Variants in C1QTNF6 observed in about 807,000 individuals in gnomAD.
C1QTNF6 encodes C1q and TNF related 6, also known as complement C1q tumor necrosis factor-related protein 6.
Under a neutral mutation model 20.7 loss-of-function variants are expected in C1QTNF6, and 17 were observed. The observed-to-expected ratio is 0.82, with a 90% confidence interval of 0.56 to 1.23. The LOEUF (loss-of-function observed/expected upper bound fraction) is 1.23, where lower values mean the gene tolerates loss of function less well. Ranked by LOEUF, C1QTNF6 falls within the 50% of genes most tolerant of loss-of-function variation. The pLI, the probability that C1QTNF6 is intolerant of heterozygous loss-of-function variation, is 0.00. For missense variants in C1QTNF6, 329 were observed against 389.7 expected (o/e 0.84, Z 1.31); for synonymous variants, 130 against 156.3 (o/e 0.83, Z 1.25).
At position 37,181,993 on chromosome 22, in the gene C1QTNF6, G is replaced by A; in HGVS notation, c.*195C>T. 1.6e-6 allele frequency: 1 copy of A among 617,704 alleles called. No homozygotes were observed. Among genetic ancestry groups the A allele is most frequent in the South Asian group, 2.2e-5 (1 of 45,638 alleles). 38.3% of individuals were successfully genotyped at this position (617,704 alleles called of 1,614,324 possible). On this transcript the variant is annotated 3_prime_UTR_variant, in exon 3 of 3. Coordinates refer to ENST00000337843, the MANE Select transcript of C1QTNF6 (RefSeq NM_031910.4). Reference sequence around the variant, plus strand: ...TTAGGTTAGCAAGCTTCTTAAAATAGGTCCAAGAGAGAAGAGAGGAGCAGA... The same window carrying A: ...TTAGGTTAGCAAGCTTCTTAAAATAAGTCCAAGAGAGAAGAGAGGAGCAGA...
upstream of C1QTNF6, among the ~76,000 whole-genome samples, chr22:37,189,311 C>T (rs1220079284): frequency 6.6e-6 from 1 of 152,176 alleles, no homozygotes; most frequent in African/African-American, 2.4e-5. Flanking sequence ...TACTGTTTCT[C>T]AGCAGGGTCT....
At chr22:37,188,066 A>G in intron 1 of C1QTNF6, 97 bp downstream of exon 1, 1 of 1,305,184 alleles carries the variant, frequency 7.7e-7, no homozygotes, top group Non-Finnish European at 1.1e-6. Flanking sequence ...AGAGGGAGAG[A>G]GCAGGGCCCG....
rs773060013 is a variant in C1QTNF6, at chr22:37,182,634, C to T, written c.391G>A (p.Glu131Lys). Reference protein sequence around the residue: ...GPQGSKGDKGEMGSPGAPCQK... With the variant: ...GPQGSKGDKGKMGSPGAPCQK... Reference sequence around the variant, plus strand: ...CACGGGGCGCCGGGGCTGCCCATCTCCCCCTTGTCACCCTTGCTGCCCTGA... The same window carrying T: ...CACGGGGCGCCGGGGCTGCCCATCTTCCCCTTGTCACCCTTGCTGCCCTGA... The change falls in exon 3 of 3, where the codon GAG becomes AAG. Residue 131 changes from glutamate to lysine, a missense_variant. By Grantham distance (56) the Glu-to-Lys change is moderately conservative. Coordinates refer to ENST00000337843, the MANE Select transcript of C1QTNF6 (RefSeq NM_031910.4). 1 of 1,613,548 alleles carries T rather than the reference C, an allele frequency of 6.2e-7. No individual in the cohort carries two copies. Among genetic ancestry groups the T allele is most frequent in the South Asian group, 1.1e-5 (1 of 91,084 alleles).
In C1QTNF6 at chr22:37,182,069, G is replaced by C; in HGVS notation, c.*119C>G. On this transcript the variant is annotated 3_prime_UTR_variant, in exon 3 of 3. Coordinates refer to ENST00000337843, the MANE Select transcript of C1QTNF6 (RefSeq NM_031910.4). ...CCAAGATAGAAGCAGGGTCTCCCCA[G>C]AATGCCAGGTCCCCGGGGACCTCCC... 1 of 1,145,512 alleles carries C rather than the reference G, an allele frequency of 8.7e-7. No individual in the cohort carries two copies. The highest frequency in any genetic ancestry group is 2.8e-5 in the Admixed American group (1 of 35,334). 71.0% of individuals were successfully genotyped at this position (1,145,512 alleles called of 1,614,324 possible). A position where few individuals can be genotyped will look rare whatever the true frequency, so the allele number is the denominator to read the frequency against.
chr22:37,188,190 C>T lies in C1QTNF6; in HGVS notation c.24G>A (p.Glu8=), dbSNP rs748353059. MQWLRVR[E]SPGEATGHRV... The stretch of plus-strand genomic sequence containing the variant: ...TGTGTCCTGTGGCCTCCCCAGGCGA[C>T]TCACGGACCCTGAGCCACTGCATGG... Residue 8 remains glutamate, a synonymous_variant, in exon 1 of 3, where the codon GAG becomes GAA. Coordinates refer to ENST00000337843, the MANE Select transcript of C1QTNF6 (RefSeq NM_031910.4). 8 of 1,609,780 alleles carry T rather than the reference C, an allele frequency of 5.0e-6. No individual in the cohort carries two copies. In the African/African-American group the frequency reaches 8.0e-5, roughly 16 times the overall value.
At chr22:37,186,058 G>C (rs1265487953) in intron 1 of C1QTNF6, 15 of 985,516 alleles carry the variant, frequency 1.5e-5, no homozygotes, top group Non-Finnish European at 1.8e-5. Flanking sequence ...TGAAAAAAAA[G>C]AGATAAGAGA....
chr22:37,184,250 A>C lies in C1QTNF6; in HGVS notation c.289+968T>G. On this transcript the variant is annotated intron_variant, in intron 2 of 2. Transcript: ENST00000337843. The surrounding 1 kb of genome is among the most constrained non-coding windows in gnomAD (Gnocchi z 4.0). ...TGTCCCCGGGGAGAGCTCAGGAACA[A>C]ATCCTGGCTCCATCCCTGACAGCTG... The C allele has an allele frequency of 1.5e-6, 1 of 675,110 alleles. No homozygotes were observed. Among genetic ancestry groups the C allele is most frequent in the South Asian group, 1.6e-5 (1 of 60,744 alleles). 41.8% of individuals were successfully genotyped at this position (675,110 alleles called of 1,614,324 possible). A position where few individuals can be genotyped will look rare whatever the true frequency, so the allele number is the denominator to read the frequency against.
intron 1 of C1QTNF6, among the ~76,000 whole-genome samples, chr22:37,187,926 C>T (rs2145772861): frequency 6.6e-6 from 1 of 152,172 alleles, no homozygotes; most frequent in South Asian, 2.1e-4. Context: ...TCGGTCCAGG[C>T]AGGCCGTGCA....
upstream of C1QTNF6, among the ~76,000 whole-genome samples, chr22:37,189,424 T>G (rs1215901923): frequency 6.6e-6 from 1 of 152,176 alleles, no homozygotes; most frequent in Non-Finnish European, 1.5e-5. Flanking sequence ...GGTCTTAGCC[T>G]CATTTTACCC....
chr22:37,195,755 A>G (rs1321547945), intron 1 of C1QTNF6: 1 of 152,252 alleles, frequency 6.6e-6, no homozygotes, highest in Non-Finnish European at 1.5e-5. Flanking sequence ...TTTAGACCGT[A>G]TAAGGTAATT....
chr22:37,195,427 G>A (rs1235431894), exon 2 of C1QTNF6: 1 of 152,110 alleles, frequency 6.6e-6, no homozygotes, highest in African/African-American at 2.4e-5. Context: ...TTGGGTTGAG[G>A]GTGTTTTCTG....
chr22:37,188,449 C>T (rs935600725), upstream of C1QTNF6: 11 of 437,016 alleles, frequency 2.5e-5, no homozygotes, highest in Admixed American at 1.3e-4. Flanking sequence ...CTTTGGTGAT[C>T]CAGTGGGGTC....
At position 37,184,392 on chromosome 22, in the gene C1QTNF6, G is replaced by A. The variant is rs1460857067; in HGVS notation, c.289+826C>T. The A allele has an allele frequency of 9.8e-6, 7 of 717,330 alleles. No individual in the cohort carries two copies. The highest frequency in any genetic ancestry group is 4.0e-5 in the Admixed American group (2 of 50,018). The allele number at this position is 717,330 out of a possible 1,614,324, so 44.4% of individuals were successfully genotyped here. A position where few individuals can be genotyped will look rare whatever the true frequency, so the allele number is the denominator to read the frequency against. ...CTAAGGATGTCAAGGCCTGGTCACA[G>A]CCGTCAGCCACCACAGCCTGGAAGG... is the stretch of plus-strand genomic sequence containing the variant. On this transcript the variant is annotated intron_variant, in intron 2 of 2. Coordinates refer to ENST00000337843, the MANE Select transcript of C1QTNF6 (RefSeq NM_031910.4). The surrounding 1 kb of genome is among the most constrained non-coding windows in gnomAD (Gnocchi z 4.0).
chr22:37,183,822 A>G (rs1601627024), intron 2 of C1QTNF6, among the ~76,000 whole-genome samples: 1 of 152,224 alleles, frequency 6.6e-6, no homozygotes, highest in Admixed American at 6.5e-5. Flanking sequence ...GCCCAAGGAA[A>G]GGAAGGAGTG....
intron 2 of C1QTNF6, among the ~76,000 whole-genome samples, chr22:37,183,262 C>T (rs905366781): frequency 3.3e-5 from 5 of 152,234 alleles, no homozygotes; most frequent in Admixed American, 2.0e-4. Context: ...ACCTCGGGCA[C>T]TCCACGGCTG....
At chr22:37,187,699 G>C (rs896081940) in intron 1 of C1QTNF6, among the ~76,000 whole-genome samples, 2 of 152,208 alleles carry the variant, frequency 1.3e-5, no homozygotes, top group Admixed American at 1.3e-4. Context: ...CCAGCGGATG[G>C]GAGTCAAAGG....
In C1QTNF6 at chr22:37,182,211, G is replaced by A; in HGVS notation, c.814C>T (p.Leu272Phe). ...CCTCAGTCGTCCTCGGCCTTGATGA[G>A]GTGGCCGCTGAAGGTGATGTAGGTG... ...FDTYITFSGHLIKAEDD is the reference protein window; with the variant it reads ...FDTYITFSGHFIKAEDD Residue 272 changes from leucine (L) to phenylalanine (F), a missense_variant, in exon 3 of 3, where the codon CTC (leucine) becomes TTC (phenylalanine). By Grantham distance (22) the Leu-to-Phe change is conservative. Coordinates refer to ENST00000337843, the MANE Select transcript of C1QTNF6 (RefSeq NM_031910.4). 1 of 1,613,162 alleles carries A rather than the reference G, an allele frequency of 6.2e-7. No individual in the cohort carries two copies. Among genetic ancestry groups the A allele is most frequent in the East Asian group, 2.2e-5 (1 of 44,864 alleles).
intron 1 of C1QTNF6, chr22:37,195,851 A>T (rs898785409): frequency 3.9e-5 from 6 of 152,194 alleles, no homozygotes; most frequent in African/African-American, 1.4e-4. Context: ...ATTAGTGTAT[A>T]ATGAGCAGTG....
upstream of C1QTNF6, chr22:37,197,787 C>G (rs1569073180): frequency 6.6e-6 from 1 of 151,824 alleles, no homozygotes; most frequent in Admixed American, 6.5e-5. Context: ...TCCATTTGTG[C>G]GTCATCCGTT....
Sources: gnomAD v4.1 joint callset for allele counts (sites outside exome capture counted in the v4.1 genomes callset) on GRCh38, gnomAD v4.1.1 for gene constraint, Gnocchi (gnomAD v3.1) non-coding constraint, MANE v1.5 for transcripts, NCBI Gene and HGNC (gene_info 2026-07-23, HGNC 2026-07-21) for gene names.